ANKH: variants seen among roughly 807,000 people sequenced by gnomAD.
The protein encoded by ANKH is mineralization regulator ANKH.
Under a neutral mutation model 49.0 loss-of-function variants are expected in ANKH, and 15 were observed. The observed-to-expected ratio is 0.31, with a 90% confidence interval of 0.20 to 0.47. The LOEUF (loss-of-function observed/expected upper bound fraction) is 0.47. ANKH is among the 20% of genes least tolerant of loss of function. ANKH has a pLI of 1.00. For synonymous variants in ANKH, 273 were observed against 260.0 expected, an observed-to-expected ratio of 1.05 and a Z score of -0.48; for missense variants, 429 against 652.0, an observed-to-expected ratio of 0.66 and a Z score of 3.72.
chr5:14,797,204 C>G, intron 1 of ANKH: 1 of 1,332,050 alleles, frequency 7.5e-7, no homozygotes. Context: ...GCCACACTTG[C>G]ATGATATTGT....
intron 1 of ANKH, among the ~76,000 whole-genome samples, chr5:14,813,966 C>T (rs1740959222): frequency 6.6e-6 from 1 of 152,116 alleles, no homozygotes; most frequent in Non-Finnish European, 1.5e-5. Context: ...ATCACAGCTG[C>T]CACTTCCCCT....
intron 1 of ANKH, among the ~76,000 whole-genome samples, chr5:14,816,814 T>C (rs1741053063): frequency 6.6e-6 from 1 of 152,074 alleles, no homozygotes. Context: ...TTGGCCAGGA[T>C]GAACACGATG....
At chr5:14,743,119 C>T (rs1036541676) in intron 7 of ANKH, among the ~76,000 whole-genome samples, 1 of 152,230 alleles carries the variant, frequency 6.6e-6, no homozygotes, top group Non-Finnish European at 1.5e-5. Context: ...CCAGCACCAA[C>T]CTCTGAATGA....
chr5:14,845,588 C>T (rs1580113199), intron 1 of ANKH, among the ~76,000 whole-genome samples: 1 of 152,132 alleles, frequency 6.6e-6, no homozygotes, highest in African/African-American at 2.4e-5. Flanking sequence ...GGAAGTTGTT[C>T]TGGGTCCAGT....
chr5:14,795,016 T>C (rs1740330075), intron 1 of ANKH, among the ~76,000 whole-genome samples: 1 of 152,240 alleles, frequency 6.6e-6, no homozygotes, highest in Non-Finnish European at 1.5e-5. Flanking sequence ...GCACTACTTG[T>C]CTGAGTGACA....
chr5:14,832,529 C>T (rs764951963), intron 1 of ANKH, among the ~76,000 whole-genome samples: 1 of 152,094 alleles, frequency 6.6e-6, no homozygotes, highest in Non-Finnish European at 1.5e-5. Flanking sequence ...CAGTAAGTAA[C>T]GGAGTTATAG....
intron 1 of ANKH, among the ~76,000 whole-genome samples, chr5:14,813,233 G>A (rs1465133179): frequency 7.3e-6 from 1 of 136,390 alleles, no homozygotes; most frequent in African/African-American, 2.8e-5. Flanking sequence ...AGAGAGAAAT[G>A]GCTATTTAAA....
chr5:14,711,323 A>AGACTC lies in ANKH; in HGVS notation c.1366-18_1366-14dup, dbSNP rs1219995723. 5.6e-6 allele frequency: 9 copies of AGACTC among 1,610,332 alleles called. No homozygotes were observed. Among genetic ancestry groups the AGACTC allele is most frequent in the Non-Finnish European group, 7.6e-6 (9 of 1,176,642 alleles). ...CCATCTTCTTTTTCTAGACCAAAGA[A>AGACTC]GACTCATCAGTGTGGGGCTGTGGAT... On this transcript the variant is annotated splice_polypyrimidine_tract_variant and intron_variant, in intron 11 of 11. Coordinates refer to ENST00000284268, the MANE Select transcript of ANKH (RefSeq NM_054027.6).
chr5:14,816,255 C>T (rs373680997), intron 1 of ANKH, among the ~76,000 whole-genome samples: 7 of 152,170 alleles, frequency 4.6e-5, no homozygotes, highest in African/African-American at 9.6e-5. Context: ...TCACCTTCAG[C>T]GAGTGACCTC....
intron 1 of ANKH, among the ~76,000 whole-genome samples, chr5:14,779,124 A>C (rs1350333819): frequency 6.6e-6 from 1 of 152,072 alleles, no homozygotes; most frequent in East Asian, 1.9e-4. Context: ...ATCTGACCTA[A>C]GCTCTTCCTC....
intron 1 of ANKH, 114 bp from the exon 2 acceptor site, chr5:14,769,305 T>C: frequency 1.2e-6 from 1 of 854,050 alleles, no homozygotes. Flanking sequence ...ACTAAGTAGC[T>C]TATAGGGTGC....
chr5:14,857,450 T>A (rs1735313286), intron 1 of ANKH, among the ~76,000 whole-genome samples: 1 of 151,590 alleles, frequency 6.6e-6, no homozygotes, highest in South Asian at 2.1e-4. Flanking sequence ...AGGTCAGGAG[T>A]TCAAGACCAA....
intron 1 of ANKH, among the ~76,000 whole-genome samples, chr5:14,788,540 C>T (rs2126540057): frequency 6.6e-6 from 1 of 152,274 alleles, no homozygotes; most frequent in East Asian, 1.9e-4. Context: ...TATATTTGAA[C>T]ATTTCTTTAT....
chr5:14,791,530 T>C (rs184602506), intron 1 of ANKH, among the ~76,000 whole-genome samples: 20 of 152,230 alleles, frequency 1.3e-4, no homozygotes, highest in Admixed American at 1.0e-3. Flanking sequence ...GGTTCCCTTG[T>C]TGTAAAAAAA....
Position 14,777,479 on chromosome 5 carries a change from T to C in ANKH, c.97-8288A>G, listed in dbSNP as rs967054881. ...AAAAAATATAACCTCCACGGAAATG[T>C]TTACCAAATCCCACAGACATGAACT... On this transcript the variant is annotated intron_variant, in intron 1 of 11. Coordinates refer to ENST00000284268, the MANE Select transcript of ANKH (RefSeq NM_054027.6). Among the ~76,000 whole-genome samples, 11 of 152,134 alleles carry C rather than the reference T, an allele frequency of 7.2e-5. 1 individual carries two copies. Among genetic ancestry groups the C allele is most frequent in the South Asian group, 4.1e-4 (2 of 4,826 alleles).
At chr5:14,760,424 T>C (rs1561042704) in intron 2 of ANKH, among the ~76,000 whole-genome samples, 1 of 152,174 alleles carries the variant, frequency 6.6e-6, no homozygotes, top group African/African-American at 2.4e-5. Flanking sequence ...CATTTAGACA[T>C]GAGCTAAGCT....
intron 1 of ANKH, among the ~76,000 whole-genome samples, chr5:14,801,121 C>T (rs954912316): frequency 5.3e-5 from 8 of 152,150 alleles, no homozygotes; most frequent in East Asian, 3.8e-4. Flanking sequence ...GAACCGAAGC[C>T]GCAATAGCTC....
At chr5:14,724,779 C>T (rs760245650) in intron 8 of ANKH, among the ~76,000 whole-genome samples, 1 of 152,176 alleles carries the variant, frequency 6.6e-6, no homozygotes, top group African/African-American at 2.4e-5. Context: ...AACCAGGCCA[C>T]GGTGGGACGG....
At chr5:14,852,435 C>T (rs921904668) in intron 1 of ANKH, among the ~76,000 whole-genome samples, 4 of 152,198 alleles carry the variant, frequency 2.6e-5, no homozygotes, top group Non-Finnish European at 2.9e-5. Flanking sequence ...TTTTAAAGTC[C>T]AAGCAGCTAC....
Sources: gnomAD v4.1 joint callset for allele counts (sites outside exome capture counted in the v4.1 genomes callset) on GRCh38, gnomAD v4.1.1 for gene constraint, MANE v1.5 for transcripts, NCBI Gene and HGNC (gene_info 2026-07-23, HGNC 2026-07-21) for gene names.